Variants in SSH2 observed in about 807,000 individuals in gnomAD.
SSH2 encodes slingshot protein phosphatase 2.
SSH2 carries 37 observed loss-of-function variants against 135.2 expected under a neutral mutation model. The ratio of observed to expected loss-of-function variants is 0.27; its 90% confidence interval spans 0.21 to 0.36. The LOEUF is 0.36. Among genes scored for constraint, SSH2 ranks in the 10% least tolerant of loss-of-function variants. SSH2 has a pLI of 1.00. For synonymous variants in SSH2, 628 were observed against 646.2 expected (o/e 0.97, Z 0.43); for missense variants, 1,408 against 1,765.3 (o/e 0.80, Z 3.63).
At chr17:29,752,781 TA>T (rs1361397187) in intron 3 of SSH2, among the ~76,000 whole-genome samples, 2 of 108,198 alleles carry the variant, frequency 1.8e-5, no homozygotes, top group Non-Finnish European at 4.0e-5. Context: ...ATAGAGAACA[TA>T]AAAAAGAAAA....
At chr17:29,764,847 ATG>A (rs2041407307) in intron 3 of SSH2, among the ~76,000 whole-genome samples, 1 of 152,250 alleles carries the variant, frequency 6.6e-6, no homozygotes, top group African/African-American at 2.4e-5. Flanking sequence ...TGTATCCCTT[ATG>A]GTATAATCAC....
chr17:29,635,326 G>A (rs890407081), intron 15 of SSH2, among the ~76,000 whole-genome samples: 23 of 152,194 alleles, frequency 1.5e-4, no homozygotes, highest in African/African-American at 5.3e-4. Context: ...TATCTTCTCA[G>A]AGACACAGCT....
chr17:29,824,234 A>G (rs1403766041), intron 2 of SSH2, among the ~76,000 whole-genome samples: 2 of 152,232 alleles, frequency 1.3e-5, no homozygotes. Flanking sequence ...ATCATCTTAC[A>G]TAACAAAAGG....
At chr17:29,742,319 CTTTT>C (rs891136307) in intron 3 of SSH2, among the ~76,000 whole-genome samples, 13 of 129,652 alleles carry the variant, frequency 1.0e-4, no homozygotes, top group African/African-American at 2.8e-4. Flanking sequence ...GCAAGTTCTT[CTTTT>C]TTTTTTTTTT....
At chr17:29,705,662 C>A (rs2039168651) in intron 3 of SSH2, among the ~76,000 whole-genome samples, 1 of 152,176 alleles carries the variant, frequency 6.6e-6, no homozygotes, top group African/African-American at 2.4e-5. Flanking sequence ...CCTGTAACAT[C>A]CTACAGGACT....
intron 2 of SSH2, among the ~76,000 whole-genome samples, chr17:29,829,720 T>C (rs774147244): frequency 6.6e-6 from 1 of 152,208 alleles, no homozygotes; most frequent in South Asian, 2.1e-4. Flanking sequence ...TGTGCTCATA[T>C]AGAAGCCCAT....
At chr17:29,684,486 A>ATT (rs2038124930) in intron 6 of SSH2, 77 bp downstream of exon 6, 1 of 664,238 alleles carries the variant, frequency 1.5e-6, no homozygotes, top group East Asian at 5.1e-5. Context: ...TCCCCATTAA[A>ATT]AAAAAAAAAA....
At chr17:29,795,787 G>A (rs1231935192) in intron 2 of SSH2, among the ~76,000 whole-genome samples, 1 of 151,834 alleles carries the variant, frequency 6.6e-6, no homozygotes, top group South Asian at 2.1e-4. Flanking sequence ...TGTCACCCAG[G>A]CTGGAGTGCA....
At chr17:29,885,564 C>T (rs1270494082) in intron 1 of SSH2, among the ~76,000 whole-genome samples, 1 of 152,112 alleles carries the variant, frequency 6.6e-6, no homozygotes, top group African/African-American at 2.4e-5. Context: ...AGCTCCATCA[C>T]ATAACCAGGG....
rs764385481 is a variant in SSH2, at chr17:29,636,004, T to C, written c.2226A>G (p.Ala742=). 7 of 1,614,088 alleles carry C rather than the reference T, an allele frequency of 4.3e-6. No individual in the cohort carries two copies. In the East Asian group the frequency reaches 6.7e-5, roughly 15 times the overall value. The change falls in exon 15 of 16, where the codon GCA becomes GCG. Residue 742 remains alanine (A), a synonymous_variant. Transcript: ENST00000540801. ...CCTCATCCATTGAAGATTCTTCTGA[T>C]GCATGGGGAGTATTACTCAAAGAGC... ...RSSSLSNTPH[A]SEESSMDEEQ...
chr17:29,849,190 GT>G (rs1426661795), intron 1 of SSH2, among the ~76,000 whole-genome samples: 1 of 152,146 alleles, frequency 6.6e-6, no homozygotes, highest in Non-Finnish European at 1.5e-5. Context: ...TGTAAAGATG[GT>G]GCTGCTAGCC....
intron 1 of SSH2, among the ~76,000 whole-genome samples, chr17:29,876,561 C>G (rs1328334890): frequency 6.6e-6 from 1 of 151,738 alleles, no homozygotes; most frequent in Non-Finnish European, 1.5e-5. Flanking sequence ...GATGTGATCC[C>G]ATTTGTCCAT....
At chr17:29,911,299 TCA>T (rs1267352819) in intron 1 of SSH2, among the ~76,000 whole-genome samples, 2 of 152,176 alleles carry the variant, frequency 1.3e-5, no homozygotes, top group East Asian at 3.8e-4. Flanking sequence ...TCAGACAGTC[TCA>T]GTTACAGAGT....
At position 29,632,710 on chromosome 17, in the gene SSH2, T is replaced by C; in HGVS notation, c.2484A>G (p.Gly828=). 3 of 1,614,158 alleles carry C rather than the reference T, an allele frequency of 1.9e-6. No individual in the cohort carries two copies. The highest frequency in any genetic ancestry group is 2.5e-6 in the Non-Finnish European group (3 of 1,180,018). ...ERAQTPENKP[G]HMEQDEDSCT... ...AGGAGTCCTCATCTTGCTCCATATGTCCAGGTTTGTTCTCTGGAGTCTGGG... is the reference window on the plus strand; with the variant it reads ...AGGAGTCCTCATCTTGCTCCATATGCCCAGGTTTGTTCTCTGGAGTCTGGG... Residue 828 remains glycine, a synonymous_variant, in exon 16 of 16, where the codon GGA becomes GGG. Transcript: ENST00000540801.
chr17:29,636,034 T>C lies in SSH2; in HGVS notation c.2196A>G (p.Arg732=). Residue 732 remains arginine, a synonymous_variant, in exon 15 of 16, where the codon AGA becomes AGG. Coordinates refer to ENST00000540801, the MANE Select transcript of SSH2 (RefSeq NM_001282129.2). The part of the protein sequence containing the change: ...APSKVTADDQ[R]SSSLSNTPHA... ...GGGGAGTATTACTCAAAGAGCTGCT[T>C]CTCTGGTCATCAGCTGTCACTTTGG... The C allele has an allele frequency of 1.2e-6, 2 of 1,614,186 alleles. No individual in the cohort carries two copies. Among genetic ancestry groups the C allele is most frequent in the Non-Finnish European group, 1.7e-6 (2 of 1,180,024 alleles).
At chr17:29,816,823 AAC>A (rs1460462998) in intron 2 of SSH2, among the ~76,000 whole-genome samples, 5 of 152,158 alleles carry the variant, frequency 3.3e-5, no homozygotes, top group Non-Finnish European at 7.4e-5. Flanking sequence ...GATCCTTGCT[AAC>A]ACACTGGAAA....
chr17:29,648,694 T>C (rs915576440), intron 13 of SSH2, among the ~76,000 whole-genome samples: 2 of 152,248 alleles, frequency 1.3e-5, no homozygotes. Context: ...GGGAGAAACA[T>C]ACAATTAAAA....
intron 2 of SSH2, among the ~76,000 whole-genome samples, chr17:29,821,308 G>C (rs1178910179): frequency 6.6e-6 from 1 of 152,050 alleles, no homozygotes; most frequent in Non-Finnish European, 1.5e-5. Flanking sequence ...TGCCCAGGCT[G>C]GAGTGCAGTG....
At chr17:29,694,006 C>T (rs2038609662) in intron 5 of SSH2, among the ~76,000 whole-genome samples, 1 of 152,178 alleles carries the variant, frequency 6.6e-6, no homozygotes. Context: ...AGGCAGCAAG[C>T]TTGTGCAACC....
Sources: gnomAD v4.1 joint callset for allele counts (sites outside exome capture counted in the v4.1 genomes callset) on GRCh38, gnomAD v4.1.1 for gene constraint, MANE v1.5 for transcripts, NCBI Gene and HGNC (gene_info 2026-07-23, HGNC 2026-07-21) for gene names.